The following USP46 variants were observed in gnomAD, a reference collection of about 807,000 sequenced individuals.
USP46 encodes the protein ubiquitin specific peptidase 46.
A neutral mutation model predicts 44.4 loss-of-function variants in USP46; 12 were observed. That is an observed-to-expected ratio of 0.27 (90% CI 0.17 to 0.44). The LOEUF (loss-of-function observed/expected upper bound fraction) is 0.44. USP46 is among the 20% of genes least tolerant of loss of function. The pLI, the probability that USP46 is intolerant of heterozygous loss-of-function variation, is 1.00. For synonymous variants in USP46, 155 were observed against 161.5 expected (o/e 0.96, Z 0.31); for missense variants, 248 against 444.8 (o/e 0.56, Z 3.98).
chr4:52,657,814 G>A (rs1719011501), intron 1 of USP46, among the ~76,000 whole-genome samples: 1 of 152,248 alleles, frequency 6.6e-6, no homozygotes, highest in African/African-American at 2.4e-5. Context: ...TGCTGGCCGT[G>A]ACAGTGGCAC....
At position 52,593,137 on chromosome 4, in the gene USP46, C is replaced by A; in HGVS notation, c.*4503G>T. The A allele has an allele frequency of 5.1e-6, 2 of 393,006 alleles. No homozygotes were observed. Among genetic ancestry groups the A allele is most frequent in the Non-Finnish European group, 9.0e-6 (2 of 223,202 alleles). 24.3% of individuals were successfully genotyped at this position (393,006 alleles called of 1,614,324 possible). A position where few individuals can be genotyped will look rare whatever the true frequency, so the allele number is the denominator to read the frequency against. Reference sequence around the variant, plus strand: ...ATAAGGGAATGGAAATGGAAGGCTTCATTTTTTTAGTAAAGGTATTTTAAG... The same window carrying A: ...ATAAGGGAATGGAAATGGAAGGCTTAATTTTTTTAGTAAAGGTATTTTAAG... On this transcript the variant is annotated 3_prime_UTR_variant, in exon 9 of 9. Transcript: ENST00000441222.
At chr4:52,636,067 A>G (rs1718104352) in intron 1 of USP46, among the ~76,000 whole-genome samples, 1 of 152,204 alleles carries the variant, frequency 6.6e-6, no homozygotes, top group South Asian at 2.1e-4. Context: ...AGATGGAATT[A>G]ATTTGCTAAC....
Position 52,659,289 on chromosome 4 carries a change from A to T in USP46, c.-139T>A. The T allele has an allele frequency of 5.0e-6, 2 of 398,666 alleles. No homozygotes were observed. The highest frequency in any genetic ancestry group is 7.2e-6 in the Non-Finnish European group (2 of 276,348). 24.7% of individuals were successfully genotyped at this position (398,666 alleles called of 1,614,324 possible). A position where few individuals can be genotyped will look rare whatever the true frequency, so the allele number is the denominator to read the frequency against. On this transcript the variant is annotated 5_prime_UTR_variant, in exon 1 of 9. Transcript: ENST00000441222. The surrounding 1 kb of genome is among the most constrained non-coding windows in gnomAD (Gnocchi z 4.2). ...GGCTTTCAGTTTGGCTGGGAGAGGG[A>T]GGCCGGGAGGAGGAGGCGGCGGCGC... is the stretch of plus-strand genomic sequence containing the variant.
chr4:52,632,985 A>AAAGAAAG (rs1553891297), intron 1 of USP46, among the ~76,000 whole-genome samples: 536 of 52,938 alleles, frequency 0.01, 5 homozygotes, highest in Middle Eastern at 0.019. Context: ...AGAAAGAAAG[A>AAAGAAAG]AAAGAAAAGA....
At chr4:52,647,648 C>T (rs967723193) in intron 1 of USP46, among the ~76,000 whole-genome samples, 10 of 152,242 alleles carry the variant, frequency 6.6e-5, no homozygotes, top group Non-Finnish European at 1.3e-4. Flanking sequence ...CTTGGCCACA[C>T]ACCACCAGCA....
intron 1 of USP46, among the ~76,000 whole-genome samples, chr4:52,642,904 A>G (rs1718401727): frequency 6.6e-6 from 1 of 152,250 alleles, no homozygotes; most frequent in Non-Finnish European, 1.5e-5. Flanking sequence ...ATAGATACTG[A>G]CAATAATATA....
Position 52,596,095 on chromosome 4 carries a change from A to G in USP46, c.*1545T>C, listed in dbSNP as rs1418470453. The G allele has an allele frequency of 6.6e-6, 1 of 152,662 alleles. No individual in the cohort carries two copies. The highest frequency in any genetic ancestry group is 1.5e-5 in the Non-Finnish European group (1 of 68,034). 9.5% of individuals were successfully genotyped at this position (152,662 alleles called of 1,614,324 possible). On this transcript the variant is annotated 3_prime_UTR_variant, in exon 9 of 9. Transcript: ENST00000441222. Reference sequence around the variant, plus strand: ...GGCATGCTTACTTAAGTTCTGAGCAATAAACAGTTCAAGATATTTCAAAGA... The same window carrying G: ...GGCATGCTTACTTAAGTTCTGAGCAGTAAACAGTTCAAGATATTTCAAAGA...
At position 52,592,908 on chromosome 4, in the gene USP46, A is replaced by G; in HGVS notation, c.*4732T>C. 2.5e-6 allele frequency: 1 copy of G among 398,516 alleles called. No homozygotes were observed. Among genetic ancestry groups the G allele is most frequent in the African/African-American group, 2.1e-5 (1 of 48,674 alleles). 24.7% of individuals were successfully genotyped at this position (398,516 alleles called of 1,614,324 possible). On this transcript the variant is annotated 3_prime_UTR_variant, in exon 9 of 9. Transcript: ENST00000441222. Reference sequence around the variant, plus strand: ...CTCTTCCTCTTGCTCCTGCCATGTAAGATGGGCTTGCTTTCCCTTTGCCTT... The same window carrying G: ...CTCTTCCTCTTGCTCCTGCCATGTAGGATGGGCTTGCTTTCCCTTTGCCTT...
intron 1 of USP46, among the ~76,000 whole-genome samples, chr4:52,632,988 A>AAAG (rs1560406196): frequency 3.2e-5 from 1 of 31,386 alleles, no homozygotes; most frequent in African/African-American, 1.4e-4. Flanking sequence ...AAGAAAGAAA[A>AAAG]GAAAAGAAAG....
rs1165296815 is a variant in USP46, at chr4:52,659,230, G to A, written c.-80C>T. 8 of 1,449,140 alleles carry A rather than the reference G, an allele frequency of 5.5e-6. No homozygotes were observed. The South Asian group carries it at 5.6e-5, about 10-fold the overall frequency. 89.8% of individuals were successfully genotyped at this position (1,449,140 alleles called of 1,614,324 possible). Reference sequence around the variant, plus strand: ...ACTGCCCATGGTGGCGCGCTGGCGGGGAGGCCGGGCGGCAGCGCGGCGGCC... The same window carrying A: ...ACTGCCCATGGTGGCGCGCTGGCGGAGAGGCCGGGCGGCAGCGCGGCGGCC... On this transcript the variant is annotated 5_prime_UTR_variant, in exon 1 of 9. Coordinates refer to ENST00000441222, the MANE Select transcript of USP46 (RefSeq NM_022832.4). This position sits in a 1 kb window ranked among gnomAD's most constrained non-coding sequence, Gnocchi z 4.2.
At chr4:52,606,372 G>GA (rs1283097515) in intron 5 of USP46, among the ~76,000 whole-genome samples, 1 of 152,162 alleles carries the variant, frequency 6.6e-6, no homozygotes, top group East Asian at 1.9e-4. Context: ...AATTTATAAA[G>GA]AAAAAGAGGT....
chr4:52,652,255 T>G (rs140974945), intron 1 of USP46, among the ~76,000 whole-genome samples: 1 of 152,198 alleles, frequency 6.6e-6, no homozygotes, highest in Non-Finnish European at 1.5e-5. Flanking sequence ...TCTGCAAACA[T>G]GTGAAGCAAC....
chr4:52,634,079 C>T (rs1718013783), intron 1 of USP46, among the ~76,000 whole-genome samples: 2 of 152,128 alleles, frequency 1.3e-5, no homozygotes, highest in African/African-American at 4.8e-5. Flanking sequence ...TAGACCATGA[C>T]ACCCTTACCC....
rs954532262 is a variant in USP46 at position 52,656,501 on chromosome 4, T to C, written c.36+2614A>G. The C allele has an allele frequency of 9.7e-6, 14 of 1,441,172 alleles. No individual in the cohort carries two copies. In the African/African-American group the frequency reaches 1.4e-4, roughly 15 times the overall value. 89.3% of individuals were successfully genotyped at this position (1,441,172 alleles called of 1,614,324 possible). A position where few individuals can be genotyped will look rare whatever the true frequency, so the allele number is the denominator to read the frequency against. Reference sequence around the variant, plus strand: ...ATTCCCACTCCAGCCTTCCTATACATGGGAGGTGTTTATATTAGTGGTTGC... The same window carrying C: ...ATTCCCACTCCAGCCTTCCTATACACGGGAGGTGTTTATATTAGTGGTTGC... On this transcript the variant is annotated intron_variant, in intron 1 of 8. Transcript: ENST00000441222.
intron 4 of USP46, among the ~76,000 whole-genome samples, chr4:52,614,757 T>C (rs1717057864): frequency 3.3e-5 from 5 of 152,250 alleles, no homozygotes; most frequent in Admixed American, 2.0e-4. Flanking sequence ...TCTTAATTTT[T>C]GTATAATATT....
intron 2 of USP46, among the ~76,000 whole-genome samples, chr4:52,628,563 C>T (rs1717686387): frequency 6.6e-6 from 1 of 152,156 alleles, no homozygotes; most frequent in Non-Finnish European, 1.5e-5. Flanking sequence ...ATCAAAACTC[C>T]CATGACAGGG....
intron 4 of USP46, among the ~76,000 whole-genome samples, chr4:52,615,770 A>C (rs1364801688): frequency 6.6e-6 from 1 of 152,188 alleles, no homozygotes; most frequent in African/African-American, 2.4e-5. Context: ...GTGTGATGAA[A>C]ATTTTCTAAA....
chr4:52,632,993 AG>A lies in USP46; in HGVS notation c.37-1850del, dbSNP rs370139967. Among the ~76,000 whole-genome samples, 671 of 113,280 alleles carry A rather than the reference AG, an allele frequency of 5.9e-3. 26 individuals are homozygous for A. The highest frequency in any genetic ancestry group is 0.019 in the South Asian group (63 of 3,252). The allele number at this position is 113,280 out of a possible 152,430, so 74.3% of individuals were successfully genotyped here. On this transcript the variant is annotated intron_variant, in intron 1 of 8. Transcript: ENST00000441222. ...GAAAGAAAGAAAGAAAGAAAAGAAAAGAAAGAAAGAAAGAAAGAAAGAAAGA... is the reference window on the plus strand; with the variant it reads ...GAAAGAAAGAAAGAAAGAAAAGAAAAAAAGAAAGAAAGAAAGAAAGAAAGA...
chr4:52,597,045 G>A lies in USP46; in HGVS notation c.*595C>T, dbSNP rs1472477764. ...CCAGTGCCAATGCCAGCCAACACCAGCCGCCACGGACAGCTTCTCTTCACC... is the reference window on the plus strand; with the variant it reads ...CCAGTGCCAATGCCAGCCAACACCAACCGCCACGGACAGCTTCTCTTCACC... On this transcript the variant is annotated 3_prime_UTR_variant, in exon 9 of 9. Coordinates refer to ENST00000441222, the MANE Select transcript of USP46 (RefSeq NM_022832.4). The A allele has an allele frequency of 6.5e-6, 1 of 153,204 alleles. No homozygotes were observed. Among genetic ancestry groups the A allele is most frequent in the African/African-American group, 2.4e-5 (1 of 41,446 alleles). The allele number at this position is 153,204 out of a possible 1,614,324, so 9.5% of individuals were successfully genotyped here.
Sources: allele counts gnomAD v4.1 joint callset (sites outside exome capture counted in the v4.1 genomes callset), GRCh38; gene constraint gnomAD v4.1.1; non-coding constraint Gnocchi (gnomAD v3.1); transcripts MANE v1.5; gene names NCBI Gene and HGNC (gene_info 2026-07-23, HGNC 2026-07-21).